Variants in NCAM2 observed in about 807,000 individuals in gnomAD.
NCAM2 encodes N-CAM-2.
In NCAM2, 30 loss-of-function variants were observed where a neutral mutation model predicts 98.1. The ratio of observed to expected loss-of-function variants is 0.31; its 90% CI spans 0.23 to 0.41. The LOEUF (loss-of-function observed/expected upper bound fraction) is 0.41, where lower values mean the gene tolerates loss of function less well. Ranked by LOEUF, NCAM2 falls within the 10% of genes least tolerant of loss-of-function variation. The pLI, the probability that NCAM2 is intolerant of heterozygous loss-of-function variation, is 1.00. For synonymous variants in NCAM2, 368 were observed against 342.4 expected, an observed-to-expected ratio of 1.07 and a Z score of -0.83; for missense variants, 867 against 1,005.8, an observed-to-expected ratio of 0.86 and a Z score of 1.87.
chr21:21,348,615 C>T (rs1254564213), intron 8 of NCAM2, among the ~76,000 whole-genome samples: 2 of 42,934 alleles, frequency 4.7e-5, no homozygotes, highest in East Asian at 2.2e-3. Context: ...TTATATGGAA[C>T]ACAAAAGACT....
intron 12 of NCAM2, among the ~76,000 whole-genome samples, chr21:21,433,082 A>G (rs2077379736): frequency 6.6e-6 from 1 of 152,188 alleles, no homozygotes; most frequent in South Asian, 2.1e-4. Context: ...ATTCTAGTGA[A>G]CATAGAGAGA....
intron 1 of NCAM2, among the ~76,000 whole-genome samples, chr21:21,023,286 G>A (rs886428706): frequency 2.0e-5 from 3 of 152,166 alleles, no homozygotes; most frequent in African/African-American, 7.2e-5. Flanking sequence ...CACTTTGGGA[G>A]GCCGAGGTGG....
intron 9 of NCAM2, among the ~76,000 whole-genome samples, chr21:21,384,326 C>A (rs986186160): frequency 1.3e-4 from 20 of 151,352 alleles, no homozygotes; most frequent in Admixed American, 1.3e-3. Context: ...TGGATCTAAC[C>A]TATGCTTGAT....
chr21:21,335,484 A>G, intron 6 of NCAM2, 21 bp from the exon 7 acceptor site: 1 of 1,575,008 alleles, frequency 6.3e-7, no homozygotes, highest in South Asian at 1.2e-5. Flanking sequence ...TGTGAGGATG[A>G]ACCTCTTTTT....
intron 5 of NCAM2, among the ~76,000 whole-genome samples, chr21:21,298,629 AGAT>A (rs781220430): frequency 2.7e-5 from 4 of 148,574 alleles, no homozygotes; most frequent in African/African-American, 9.8e-5. Context: ...ATAGATAGAT[AGAT>A]GATAGATAGA....
At chr21:21,252,132 A>G (rs2071497341) in intron 1 of NCAM2, among the ~76,000 whole-genome samples, 1 of 152,136 alleles carries the variant, frequency 6.6e-6, no homozygotes, top group South Asian at 2.1e-4. Flanking sequence ...GAGAAATGCA[A>G]ATCAAAACCA....
At chr21:21,318,858 T>C in intron 5 of NCAM2, among the ~76,000 whole-genome samples, 1 of 152,194 alleles carries the variant, frequency 6.6e-6, no homozygotes, top group South Asian at 2.1e-4. Context: ...TATTTATATA[T>C]TGACATAAAT....
intron 9 of NCAM2, among the ~76,000 whole-genome samples, chr21:21,385,447 C>T (rs2076251251): frequency 6.6e-6 from 1 of 151,410 alleles, no homozygotes; most frequent in African/African-American, 2.4e-5. Context: ...CTTATACCAC[C>T]TGAACCAAGC....
chr21:21,289,787 T>C (rs1010999643), intron 4 of NCAM2, among the ~76,000 whole-genome samples: 1 of 151,948 alleles, frequency 6.6e-6, no homozygotes, highest in Non-Finnish European at 1.5e-5. Context: ...GGGGGCATCA[T>C]TAAAGGGATT....
At position 21,324,382 on chromosome 21, in the gene NCAM2, G is replaced by A. The variant is rs1423028246; in HGVS notation, c.620-1G>A. ...TTATTCTGTATTCATCTCTCCTTCA[G>A]TGCCGCCAGCAATCTCAATGCCTCA... On this transcript the variant is annotated splice_acceptor_variant, in intron 5 of 17. Coordinates refer to ENST00000400546, the MANE Select transcript of NCAM2 (RefSeq NM_004540.5). LOFTEE classifies it high-confidence loss of function. The A allele has an allele frequency of 6.2e-7, 1 of 1,610,210 alleles. No homozygotes were observed.
At chr21:21,142,137 T>C (rs575115408) in intron 1 of NCAM2, among the ~76,000 whole-genome samples, 49 of 152,274 alleles carry the variant, frequency 3.2e-4, no homozygotes, top group African/African-American at 1.1e-3. Context: ...TATTCCATGA[T>C]GCACATAAAG....
intron 1 of NCAM2, among the ~76,000 whole-genome samples, chr21:21,048,124 G>A (rs2065035374): frequency 6.6e-6 from 1 of 152,024 alleles, no homozygotes; most frequent in African/African-American, 2.4e-5. Flanking sequence ...ACCCTTTTAA[G>A]TCCAATAAGA....
In NCAM2 at chr21:21,327,136, G is replaced by A. The variant is rs373428631; in HGVS notation, c.737+2636G>A. On this transcript the variant is annotated intron_variant, in intron 6 of 17. Transcript: ENST00000400546. Reference sequence around the variant, plus strand: ...CTCCCAAAGTGCTGGGATTACAGGCGCAAGCAACCACCAACATGGTGAAAT... The same window carrying A: ...CTCCCAAAGTGCTGGGATTACAGGCACAAGCAACCACCAACATGGTGAAAT... Among the ~76,000 whole-genome samples, 14 of 152,066 alleles carry A rather than the reference G, an allele frequency of 9.2e-5. No homozygotes were observed. In the East Asian group the frequency reaches 1.2e-3, roughly 13 times the overall value.
intron 1 of NCAM2, among the ~76,000 whole-genome samples, chr21:21,152,803 A>C (rs2067485142): frequency 6.6e-6 from 1 of 151,982 alleles, no homozygotes; most frequent in Non-Finnish European, 1.5e-5. Context: ...AGATTAGCTT[A>C]GTATTCAACT....
chr21:21,188,667 C>T (rs2068718715), intron 1 of NCAM2, among the ~76,000 whole-genome samples: 1 of 152,004 alleles, frequency 6.6e-6, no homozygotes, highest in African/African-American at 2.4e-5. Flanking sequence ...GAAGCAGATA[C>T]TCAAATGTGT....
At chr21:21,320,596 G>T (rs1474160067) in intron 5 of NCAM2, among the ~76,000 whole-genome samples, 2 of 151,952 alleles carry the variant, frequency 1.3e-5, no homozygotes, top group East Asian at 1.9e-4. Context: ...TTTAAAAAAA[G>T]AAAACAGATG....
chr21:21,526,851 A>T (rs1989351438), intron 16 of NCAM2, among the ~76,000 whole-genome samples: 1 of 152,150 alleles, frequency 6.6e-6, no homozygotes, highest in African/African-American at 2.4e-5. Context: ...GACATGTCAC[A>T]CATAGTTAAG....
At chr21:21,219,270 C>T (rs1226521659) in intron 1 of NCAM2, among the ~76,000 whole-genome samples, 1 of 151,848 alleles carries the variant, frequency 6.6e-6, no homozygotes, top group East Asian at 1.9e-4. Flanking sequence ...TTAGACACCC[C>T]TGGACTTGAA....
chr21:21,450,793 T>TGTATGGATACACACAC (rs751489970), intron 12 of NCAM2, among the ~76,000 whole-genome samples: 1 of 143,428 alleles, frequency 7.0e-6, no homozygotes, highest in Non-Finnish European at 1.5e-5. Flanking sequence ...TATGTATGTA[T>TGTATGGATACACACAC]ACACACACAC....
Sources: gnomAD v4.1 joint callset for allele counts (sites outside exome capture counted in the v4.1 genomes callset) on GRCh38, gnomAD v4.1.1 for gene constraint, MANE v1.5 for transcripts, NCBI Gene and HGNC (gene_info 2026-07-23, HGNC 2026-07-21) for gene names.